Variants in FAN1 observed in about 807,000 individuals in gnomAD.
FAN1 encodes the protein FANCD2 and FANCI associated nuclease 1.
A neutral mutation model predicts 104.9 loss-of-function variants in FAN1; 91 were observed. That is an observed-to-expected ratio of 0.87 (90% CI 0.73 to 1.03). FAN1 has a LOEUF of 1.03. Ranked by LOEUF, FAN1 falls within the 50% of genes least tolerant of loss-of-function variation. FAN1 has a pLI of 0.00. For synonymous variants in FAN1, 478 were observed against 457.6 expected (o/e 1.04, Z -0.57); for missense variants, 1,263 against 1,239.9 (o/e 1.02, Z -0.28).
In FAN1 at chr15:30,930,553, C is replaced by A; in HGVS notation, c.2798C>A (p.Ser933Tyr). ...TSLQQAQDLV[S>Y]CLGGPVLSGV... The stretch of plus-strand genomic sequence containing the variant: ...GTGTTTTGTGTTCAGGATCTTGTCT[C>A]CTGCCTGGGGGGCCCTGTGCTCAGT... Residue 933 changes from serine to tyrosine, a missense_variant, in exon 13 of 15, where the codon TCC becomes TAC. This residue lies in a region of FAN1 where 581 missense variants were observed against 668.8 expected (regional missense o/e 0.87). Coordinates refer to ENST00000362065, the MANE Select transcript of FAN1 (RefSeq NM_014967.5). 1 of 1,596,258 alleles carries A rather than the reference C, an allele frequency of 6.3e-7. No individual in the cohort carries two copies. The highest frequency in any genetic ancestry group is 1.1e-5 in the South Asian group (1 of 88,776).
chr15:30,929,978 T>A (rs1249683701), intron 12 of FAN1, among the ~76,000 whole-genome samples: 3 of 125,276 alleles, frequency 2.4e-5, no homozygotes, highest in Non-Finnish European at 4.7e-5. Flanking sequence ...ATAAAATATA[T>A]AATATATAAG....
In FAN1 at chr15:30,925,012, A is replaced by C. The variant is rs1056022453; in HGVS notation, c.2173-115A>C. The C allele has an allele frequency of 2.7e-6, 3 of 1,110,966 alleles. No individual in the cohort carries two copies. In the African/African-American group the frequency reaches 4.7e-5, roughly 17 times the overall value. The allele number at this position is 1,110,966 out of a possible 1,614,324, so 68.8% of individuals were successfully genotyped here. ...AAATCTCTAGAAGTGCTGTTTGCTCATTTGCTAATCAGCAAAATTCAATAA... is the reference window on the plus strand; with the variant it reads ...AAATCTCTAGAAGTGCTGTTTGCTCCTTTGCTAATCAGCAAAATTCAATAA... On this transcript the variant is annotated intron_variant, in intron 8 of 14. Coordinates refer to ENST00000362065, the MANE Select transcript of FAN1 (RefSeq NM_014967.5).
chr15:30,931,921 G>GA (rs34350227), intron 13 of FAN1, among the ~76,000 whole-genome samples: 33,855 of 147,322 alleles, frequency 0.23, 4,761 homozygotes, highest in African/African-American at 0.41. Context: ...AAGTTTCCAA[G>GA]AAAAAAAAAA....
chr15:30,928,125 A>C, intron 10 of FAN1: 3 of 1,003,908 alleles, frequency 3.0e-6, no homozygotes, highest in Non-Finnish European at 3.6e-6. Flanking sequence ...TTAGGGAAGC[A>C]TTTCTTCAGG....
intron 13 of FAN1, among the ~76,000 whole-genome samples, chr15:30,935,553 A>G (rs1273664257): frequency 1.3e-5 from 2 of 152,224 alleles, no homozygotes; most frequent in Non-Finnish European, 2.9e-5. Context: ...GAGATGATTT[A>G]AAGTATATGA....
intron 4 of FAN1, chr15:30,911,757 TA>T: frequency 1.0e-6 from 1 of 960,426 alleles, no homozygotes; most frequent in Non-Finnish European, 1.2e-6. Flanking sequence ...TATAAGCAAG[TA>T]AACATTAAAT....
At chr15:30,920,879 G>T (rs2062314128) in intron 7 of FAN1, among the ~76,000 whole-genome samples, 1 of 152,174 alleles carries the variant, frequency 6.6e-6, no homozygotes, top group African/African-American at 2.4e-5. Context: ...TGCCTCCCGG[G>T]CTCAAGTCAT....
At chr15:30,938,321 A>G (rs1368657154) in intron 14 of FAN1, among the ~76,000 whole-genome samples, 7 of 152,220 alleles carry the variant, frequency 4.6e-5, no homozygotes, top group African/African-American at 2.4e-5. Context: ...ATGATTATCT[A>G]AGAAGGGCTG....
intron 14 of FAN1, 85 bp downstream of exon 14, chr15:30,937,344 C>A: frequency 7.9e-7 from 1 of 1,270,414 alleles, no homozygotes; most frequent in Non-Finnish European, 1.1e-6. Context: ...TGTTATCGTG[C>A]ATTATAAACC....
intron 4 of FAN1, 165 bp downstream of exon 4, chr15:30,910,980 GTTA>G (rs1246209343): frequency 2.4e-5 from 31 of 1,318,486 alleles, no homozygotes; most frequent in Middle Eastern, 2.8e-4. Flanking sequence ...TCTTTCTTGG[GTTA>G]TTATTCAAAA....
chr15:30,923,261 G>C (rs1213956744), intron 8 of FAN1, among the ~76,000 whole-genome samples: 2 of 152,178 alleles, frequency 1.3e-5, no homozygotes, highest in Admixed American at 1.3e-4. Context: ...AGGGTGTGGG[G>C]CTTCCTTACC....
chr15:30,922,498 CAACCCCAAA>C (rs2062358355), intron 8 of FAN1, 144 bp downstream of exon 8: 1 of 886,212 alleles, frequency 1.1e-6, no homozygotes, highest in Non-Finnish European at 1.7e-6. Context: ...TGTGTTCTTC[CAACCCCAAA>C]AGAATACCAG....
At chr15:30,923,393 G>A (rs1398306225) in intron 8 of FAN1, among the ~76,000 whole-genome samples, 1 of 152,132 alleles carries the variant, frequency 6.6e-6, no homozygotes, top group Non-Finnish European at 1.5e-5. Context: ...GTTCAAGAGA[G>A]TACAGATTTC....
In FAN1 at chr15:30,926,583, T is replaced by A. The variant is rs1211472946; in HGVS notation, c.2488+644T>A. The A allele has an allele frequency of 4.1e-6, 4 of 980,394 alleles. No homozygotes were observed. In the African/African-American group the frequency reaches 7.0e-5, roughly 17 times the overall value. The allele number at this position is 980,394 out of a possible 1,614,324, so 60.7% of individuals were successfully genotyped here. A position where few individuals can be genotyped will look rare whatever the true frequency, so the allele number is the denominator to read the frequency against. On this transcript the variant is annotated intron_variant, in intron 10 of 14. Coordinates refer to ENST00000362065, the MANE Select transcript of FAN1 (RefSeq NM_014967.5). ...TTTCTGATGAGTGTTGAGATTCATC[T>A]ACATAATATCTTTATTACTTACAGG...
At chr15:30,917,437 C>A (rs1169503958) in intron 5 of FAN1, among the ~76,000 whole-genome samples, 1 of 152,162 alleles carries the variant, frequency 6.6e-6, no homozygotes, top group Admixed American at 6.5e-5. Context: ...AGAATGAGAT[C>A]TAAGAATTTG....
chr15:30,938,234 T>C (rs1284977552), intron 14 of FAN1, among the ~76,000 whole-genome samples: 1 of 152,158 alleles, frequency 6.6e-6, no homozygotes, highest in Non-Finnish European at 1.5e-5. Context: ...CTTCAAGTAA[T>C]TAATTATATG....
chr15:30,932,818 T>G (rs2062751073), intron 13 of FAN1, among the ~76,000 whole-genome samples: 1 of 151,542 alleles, frequency 6.6e-6, no homozygotes, highest in African/African-American at 2.4e-5. Context: ...GTTCAAGTGA[T>G]TCTCGTGCCT....
In FAN1 at chr15:30,929,383, C is replaced by A. The variant is rs746159661; in HGVS notation, c.2773C>A (p.Leu925Ile). The change falls in exon 12 of 15, where the codon CTT becomes ATT. Residue 925 changes from leucine to isoleucine, a missense_variant. Leu to Ile is a conservative substitution (Grantham distance 5). Coordinates refer to ENST00000362065, the MANE Select transcript of FAN1 (RefSeq NM_014967.5). ...TGTCAGCTGGGATCGCTTCACGTCT[C>A]TTCAGCAAGCTCAGGTAATGGTTCA... is the stretch of plus-strand genomic sequence containing the variant. ...SLVSWDRFTS[L>I]QQAQDLVSCL... The A allele has an allele frequency of 1.2e-6, 2 of 1,603,020 alleles. No individual in the cohort carries two copies. Among genetic ancestry groups the A allele is most frequent in the East Asian group, 4.5e-5 (2 of 44,244 alleles).
chr15:30,942,881 G>GTGAT lies in FAN1; in HGVS notation c.*1321_*1324dup. 1 of 1,554,798 alleles carries GTGAT rather than the reference G, an allele frequency of 6.4e-7. No homozygotes were observed. The highest frequency in any genetic ancestry group is 1.2e-5 in the South Asian group (1 of 83,346). ...GAGCCAACATCACGTTTTGTTAGCT[G>GTGAT]TGATTTACCTTTGTCCGTTTAAAAG... On this transcript the variant is annotated 3_prime_UTR_variant, in exon 15 of 15. Transcript: ENST00000362065.
Sources: allele counts gnomAD v4.1 joint callset (sites outside exome capture counted in the v4.1 genomes callset), GRCh38; gene constraint gnomAD v4.1.1; regional missense constraint gnomAD v4.1.1; transcripts MANE v1.5; gene names NCBI Gene and HGNC (gene_info 2026-07-23, HGNC 2026-07-21).